KRTAP10-4: variants seen among roughly 807,000 people sequenced by gnomAD.
KRTAP10-4 encodes keratin-associated protein 10-4.
For synonymous variants in KRTAP10-4, 147 were observed against 213.7 expected (o/e 0.69, Z 2.72); for missense variants, 374 against 507.6 (o/e 0.74, Z 2.53).
chr21:44,575,109 A>G lies in KRTAP10-4; in HGVS notation c.*145A>G. ...CGTCCTGAATTGCTCCTGCACTTTG[A>G]CCATTTCCTGGTGTCTGCTGTTGAG... On this transcript the variant is annotated 3_prime_UTR_variant, in exon 1 of 1. Transcript: ENST00000400374. The G allele has an allele frequency of 8.3e-7, 1 of 1,200,322 alleles. No individual in the cohort carries two copies. The allele number at this position is 1,200,322 out of a possible 1,614,324, so 74.4% of individuals were successfully genotyped here.
Position 44,573,866 on chromosome 21 carries a change from C to T in KRTAP10-4, c.108C>T (p.Cys36=), listed in dbSNP as rs1978297443. The T allele has an allele frequency of 6.2e-7, 1 of 1,613,680 alleles. No homozygotes were observed. Among genetic ancestry groups the T allele is most frequent in the Admixed American group, 1.7e-5 (1 of 59,928 alleles). Residue 36 remains cysteine, a synonymous_variant, in exon 1 of 1, where the codon TGC becomes TGT. Transcript: ENST00000400374. ...SWQVDDCPES[C]CEPPCCAPSC... ...AGGTGGACGACTGCCCAGAGAGCTG[C>T]TGCGAGCCCCCCTGCTGCGCCCCCA...
Position 44,574,642 on chromosome 21 carries a change from C to A in KRTAP10-4, c.884C>A (p.Ser295Tyr). The A allele has an allele frequency of 1.5e-6, 2 of 1,293,930 alleles. No individual in the cohort carries two copies. Among genetic ancestry groups the A allele is most frequent in the Non-Finnish European group, 2.1e-6 (2 of 971,876 alleles). The allele number at this position is 1,293,930 out of a possible 1,614,324, so 80.2% of individuals were successfully genotyped here. A position where few individuals can be genotyped will look rare whatever the true frequency, so the allele number is the denominator to read the frequency against. Residue 295 changes from serine (S) to tyrosine (Y), a missense_variant, in exon 1 of 1, where the codon TCT becomes TAT. By Grantham distance (144) the Ser-to-Tyr change is moderately radical. Coordinates refer to ENST00000400374, the MANE Select transcript of KRTAP10-4 (RefSeq NM_198687.2). ...CSVPICSGAS[S>Y]LCCQQSSCQP... ...GTGCCCATCTGCTCTGGGGCTTCCTCTCTGTGCTGCCAGCAGTCTAGCTGC... is the reference window on the plus strand; with the variant it reads ...GTGCCCATCTGCTCTGGGGCTTCCTATCTGTGCTGCCAGCAGTCTAGCTGC...
Position 44,575,132 on chromosome 21 carries a change from G to C in KRTAP10-4, c.*168G>C, listed in dbSNP as rs2146089743. ...TGACCATTTCCTGGTGTCTGCTGTT[G>C]AGCTGGACAATGGAAGAACTGAAAG... On this transcript the variant is annotated 3_prime_UTR_variant, in exon 1 of 1. Coordinates refer to ENST00000400374, the MANE Select transcript of KRTAP10-4 (RefSeq NM_198687.2). The C allele has an allele frequency of 4.9e-6, 5 of 1,012,962 alleles. No individual in the cohort carries two copies. Among genetic ancestry groups the C allele is most frequent in the South Asian group, 3.3e-5 (2 of 60,560 alleles). The allele number at this position is 1,012,962 out of a possible 1,614,324, so 62.7% of individuals were successfully genotyped here. A position where few individuals can be genotyped will look rare whatever the true frequency, so the allele number is the denominator to read the frequency against.
the KRTAP10-4 span, chr21:44,574,560 C>T: frequency 6.2e-7 from 1 of 1,609,592 alleles, no homozygotes; most frequent in Non-Finnish European, 8.5e-7. Context: ...TCCCTGCCAG[C>T]AGGCTTGCTG....
Position 44,575,024 on chromosome 21 carries a change from C to G in KRTAP10-4, c.*60C>G. 1 of 1,589,878 alleles carries G rather than the reference C, an allele frequency of 6.3e-7. No homozygotes were observed. The highest frequency in any genetic ancestry group is 1.2e-5 in the South Asian group (1 of 86,232). ...TCCGCTCAGGTCAGAAGCCCAGCTG[C>G]TGATGGACACGCCCCCCAGTGCCAG... is the stretch of plus-strand genomic sequence containing the variant. On this transcript the variant is annotated 3_prime_UTR_variant, in exon 1 of 1. Coordinates refer to ENST00000400374, the MANE Select transcript of KRTAP10-4 (RefSeq NM_198687.2).
In KRTAP10-4 at chr21:44,573,772, C is replaced by G. The variant is rs782501348; in HGVS notation, c.14C>G (p.Ser5Cys). 59 of 1,613,770 alleles carry G rather than the reference C, an allele frequency of 3.7e-5. 1 individual carries two copies. In the South Asian group the frequency reaches 6.4e-4, roughly 17 times the overall value. Residue 5 changes from serine (S) to cysteine (C), a missense_variant, in exon 1 of 1, where the codon TCC (serine) becomes TGC (cysteine). Transcript: ENST00000400374. The part of the protein sequence containing the change: MSVC[S>C]SDLSYSSRVC... ...GCAGCATCCACCATGTCCGTCTGCT[C>G]CAGCGACCTGAGCTACAGCAGCCGC...
Position 44,574,998 on chromosome 21 carries a change from C to T in KRTAP10-4, c.*34C>T, listed in dbSNP as rs782484286. 6.2e-7 allele frequency: 1 copy of T among 1,608,138 alleles called. No individual in the cohort carries two copies. The highest frequency in any genetic ancestry group is 1.3e-5 in the African/African-American group (1 of 74,878). The stretch of plus-strand genomic sequence containing the variant: ...GTGCTCCCGCCCAGCCTGCTGAGGC[C>T]TCCGCTCAGGTCAGAAGCCCAGCTG... On this transcript the variant is annotated 3_prime_UTR_variant, in exon 1 of 1. Transcript: ENST00000400374.
At position 44,573,780 on chromosome 21, in the gene KRTAP10-4, C is replaced by A; in HGVS notation, c.22C>A (p.Leu8Met). 1 of 1,614,062 alleles carries A rather than the reference C, an allele frequency of 6.2e-7. No homozygotes were observed. Among genetic ancestry groups the A allele is most frequent in the Non-Finnish European group, 8.5e-7 (1 of 1,179,958 alleles). The change falls in exon 1 of 1, where the codon CTG becomes ATG. Residue 8 changes from leucine (L) to methionine (M), a missense_variant. Coordinates refer to ENST00000400374, the MANE Select transcript of KRTAP10-4 (RefSeq NM_198687.2). ...CACCATGTCCGTCTGCTCCAGCGACCTGAGCTACAGCAGCCGCGTCTGCCT... is the reference window on the plus strand; with the variant it reads ...CACCATGTCCGTCTGCTCCAGCGACATGAGCTACAGCAGCCGCGTCTGCCT... MSVCSSDLSYSSRVCLPG... is the reference protein window; with the variant it reads MSVCSSDMSYSSRVCLPG...
rs902030444 is a variant in KRTAP10-4, at chr21:44,575,194, G to T, written c.*230G>T. 5.5e-6 allele frequency: 4 copies of T among 729,144 alleles called. No homozygotes were observed. Among genetic ancestry groups the T allele is most frequent in the Non-Finnish European group, 6.8e-6 (3 of 444,426 alleles). 45.2% of individuals were successfully genotyped at this position (729,144 alleles called of 1,614,324 possible). On this transcript the variant is annotated 3_prime_UTR_variant, in exon 1 of 1. Coordinates refer to ENST00000400374, the MANE Select transcript of KRTAP10-4 (RefSeq NM_198687.2). Reference sequence around the variant, plus strand: ...TGCTGCAGCCCTCTTGCGGGGGGAGGGGGGCGCTTCTAGAAAGTTCCCATG... The same window carrying T: ...TGCTGCAGCCCTCTTGCGGGGGGAGTGGGGCGCTTCTAGAAAGTTCCCATG...
At position 44,574,623 on chromosome 21, in the gene KRTAP10-4, A is replaced by ATCT. The variant is rs782437828; in HGVS notation, c.866_868dup (p.Ile289_Cys290insPhe). The ATCT allele has an allele frequency of 1.6e-6, 2 of 1,269,238 alleles. No individual in the cohort carries two copies. Among genetic ancestry groups the ATCT allele is most frequent in the South Asian group, 3.4e-5 (2 of 58,036 alleles). 78.6% of individuals were successfully genotyped at this position (1,269,238 alleles called of 1,614,324 possible). A position where few individuals can be genotyped will look rare whatever the true frequency, so the allele number is the denominator to read the frequency against. On this transcript the variant is annotated inframe_insertion, in exon 1 of 1. Transcript: ENST00000400374. ...CTGCAAGCCTGTCTGCTCTGTGCCC[A>ATCT]TCTGCTCTGGGGCTTCCTCTCTGTG...
At chr21:44,574,077 C>T in the KRTAP10-4 span, 1 of 1,612,884 alleles carries the variant, frequency 6.2e-7, no homozygotes, top group South Asian at 1.1e-5. Context: ...CCCCTGCCAG[C>T]AGGCCTGCTG....
chr21:44,574,966 G>C lies in KRTAP10-4; in HGVS notation c.*2G>C, dbSNP rs12626886. 0.081 allele frequency: 131,159 copies of C among 1,612,588 alleles called. 6,918 individuals are homozygous for C. The highest frequency in any genetic ancestry group is 0.28 in the East Asian group (12,558 of 44,842). On this transcript the variant is annotated 3_prime_UTR_variant, in exon 1 of 1. Coordinates refer to ENST00000400374, the MANE Select transcript of KRTAP10-4 (RefSeq NM_198687.2). ...GCCTCCTGCGTGTCCCTCCTCTGACGCCCCGTGTGCTCCCGCCCAGCCTGC... is the reference window on the plus strand; with the variant it reads ...GCCTCCTGCGTGTCCCTCCTCTGACCCCCCGTGTGCTCCCGCCCAGCCTGC...
At position 44,573,734 on chromosome 21, in the gene KRTAP10-4, A is replaced by C. The variant is rs782645567; in HGVS notation, c.-25A>C. The stretch of plus-strand genomic sequence containing the variant: ...CACTCCCTCCCATCTCCCCCAGCTC[A>C]ACCCCCAGCACAGCAGCATCCACCA... On this transcript the variant is annotated 5_prime_UTR_variant, in exon 1 of 1. Transcript: ENST00000400374. 8 of 1,599,522 alleles carry C rather than the reference A, an allele frequency of 5.0e-6. No individual in the cohort carries two copies. The African/African-American group carries it at 8.1e-5, about 16-fold the overall frequency.
rs1978309370 is a variant in KRTAP10-4, at chr21:44,574,276, G to A, written c.518G>A (p.Cys173Tyr). The change falls in exon 1 of 1, where the codon TGC becomes TAC. Residue 173 changes from cysteine (C) to tyrosine (Y), a missense_variant. Cys to Tyr is a radical substitution (Grantham distance 194). Coordinates refer to ENST00000400374, the MANE Select transcript of KRTAP10-4 (RefSeq NM_198687.2). ...PVCSGISSSC[C>Y]QQSSCVSCVS... is the part of the protein sequence containing the mutation. ...TGCTCTGGGATTTCCTCTTCGTGCTGCCAGCAGTCTAGCTGTGTGAGCTGT... is the reference window on the plus strand; with the variant it reads ...TGCTCTGGGATTTCCTCTTCGTGCTACCAGCAGTCTAGCTGTGTGAGCTGT... The A allele has an allele frequency of 6.2e-7, 1 of 1,607,304 alleles. No homozygotes were observed. Among genetic ancestry groups the A allele is most frequent in the Non-Finnish European group, 8.5e-7 (1 of 1,178,942 alleles).
In KRTAP10-4 at chr21:44,574,953, T is replaced by C. The variant is rs782504570; in HGVS notation, c.1195T>C (p.Ser399Pro). Residue 399 changes from serine to proline, a missense_variant, in exon 1 of 1, where the codon TCC becomes CCC. Coordinates refer to ENST00000400374, the MANE Select transcript of KRTAP10-4 (RefSeq NM_198687.2). ...CTGCTGCCGCCCAGCCTCCTGCGTG[T>C]CCCTCCTCTGACGCCCCGTGTGCTC... is the stretch of plus-strand genomic sequence containing the variant. ...PSCCRPASCV[S>P]LL 1.2e-6 allele frequency: 2 copies of C among 1,606,618 alleles called. No homozygotes were observed. The highest frequency in any genetic ancestry group is 2.2e-5 in the South Asian group (2 of 90,158).
At chr21:44,574,550 T>TGCCAGCCGGCTTGCTGCACCTCCTCC in the KRTAP10-4 span, 1 of 1,558,718 alleles carries the variant, frequency 6.4e-7, no homozygotes, top group African/African-American at 1.6e-5. Flanking sequence ...GCACCTCCTC[T>TGCCAGCCGGCTTGCTGCACCTCCTCC]CCCTGCCAGC....
chr21:44,574,342 C>T lies in KRTAP10-4; in HGVS notation c.584C>T (p.Pro195Leu). 3 of 1,610,516 alleles carry T rather than the reference C, an allele frequency of 1.9e-6. No homozygotes were observed. Among genetic ancestry groups the T allele is most frequent in the Non-Finnish European group, 2.5e-6 (3 of 1,178,562 alleles). Residue 195 changes from proline to leucine, a missense_variant, in exon 1 of 1, where the codon CCC (proline) becomes CTC (leucine). Coordinates refer to ENST00000400374, the MANE Select transcript of KRTAP10-4 (RefSeq NM_198687.2). ...PCCQAVCEPS[P>L]CQSGCISSCT... ...TGCCAGGCGGTCTGTGAGCCCAGCC[C>T]CTGCCAATCAGGCTGCATCAGCTCC...
At position 44,574,412 on chromosome 21, in the gene KRTAP10-4, C is replaced by G. The variant is rs782406624; in HGVS notation, c.654C>G (p.Cys218Trp). 1 of 1,603,240 alleles carries G rather than the reference C, an allele frequency of 6.2e-7. No individual in the cohort carries two copies. The highest frequency in any genetic ancestry group is 1.1e-5 in the South Asian group (1 of 90,554). ...AGCAGTCTAGCTGCCAGCCGGCTTG[C>G]TGCACCTCCTCCTCCTGCCAGCAGG... Reference protein sequence around the residue: ...CCQQSSCQPACCTSSSCQQAC... With the variant: ...CCQQSSCQPAWCTSSSCQQAC... The change falls in exon 1 of 1, where the codon TGC becomes TGG. Residue 218 changes from cysteine (C) to tryptophan (W), a missense_variant. Cys to Trp is a radical substitution (Grantham distance 215, BLOSUM62 -2). Transcript: ENST00000400374.
At position 44,575,292 on chromosome 21, in the gene KRTAP10-4, C is replaced by A; in HGVS notation, c.*328C>A. On this transcript the variant is annotated 3_prime_UTR_variant, in exon 1 of 1. Coordinates refer to ENST00000400374, the MANE Select transcript of KRTAP10-4 (RefSeq NM_198687.2). Reference sequence around the variant, plus strand: ...AGCCTTGACCCGTGAGGTCTCTGTCCTCCTGGCTCAGAGCCGCAGAGCCTT... The same window carrying A: ...AGCCTTGACCCGTGAGGTCTCTGTCATCCTGGCTCAGAGCCGCAGAGCCTT... 1 of 481,514 alleles carries A rather than the reference C, an allele frequency of 2.1e-6. No homozygotes were observed. The highest frequency in any genetic ancestry group is 2.8e-5 in the South Asian group (1 of 36,048). The allele number at this position is 481,514 out of a possible 1,614,324, so 29.8% of individuals were successfully genotyped here.
Sources: allele counts gnomAD v4.1 joint callset, GRCh38; gene constraint gnomAD v4.1.1; transcripts MANE v1.5; gene names NCBI Gene and HGNC (gene_info 2026-07-23, HGNC 2026-07-21).